The following SPAG6 variants were observed in gnomAD, a reference collection of about 807,000 sequenced individuals.
SPAG6 encodes sperm-associated antigen 6.
SPAG6 carries 49 observed loss-of-function variants against 58.5 expected under a neutral mutation model. The ratio of observed to expected loss-of-function variants is 0.84; its 90% CI spans 0.67 to 1.06. SPAG6 has a LOEUF of 1.06. SPAG6 is among the 50% of genes least tolerant of loss of function. The pLI is 0.00. For synonymous variants in SPAG6, 233 were observed against 225.6 expected (o/e 1.03, Z -0.29); for missense variants, 560 against 611.3 (o/e 0.92, Z 0.89).
chr10:22,381,667 A>G (rs757047239), intron 4 of SPAG6, among the ~76,000 whole-genome samples: 2 of 152,142 alleles, frequency 1.3e-5, no homozygotes, highest in Non-Finnish European at 2.9e-5. Flanking sequence ...TATTAAAGCA[A>G]GATTACTTTT....
chr10:22,360,771 G>T, intron 2 of SPAG6: 1 of 1,526,206 alleles, frequency 6.6e-7, no homozygotes, highest in South Asian at 1.2e-5. Flanking sequence ...TTGTTTATCA[G>T]ATATTGTGGC....
At chr10:22,347,790 T>C (rs1314596888) in intron 2 of SPAG6, among the ~76,000 whole-genome samples, 1 of 152,252 alleles carries the variant, frequency 6.6e-6, no homozygotes, top group Admixed American at 6.5e-5. Flanking sequence ...TATAACTTTA[T>C]GTTTTGAAAT....
chr10:22,380,507 C>T (rs7084083), intron 4 of SPAG6, among the ~76,000 whole-genome samples: 7,339 of 151,900 alleles, frequency 0.048, 612 homozygotes, highest in African/African-American at 0.17. Flanking sequence ...GGGTTTTGCC[C>T]TGTTGTCCAA....
At position 22,386,973 on chromosome 10, in the gene SPAG6, A is replaced by C. The variant is rs773692954; in HGVS notation, c.678+14A>C. On this transcript the variant is annotated intron_variant, in intron 5 of 10. Coordinates refer to ENST00000376624, the MANE Select transcript of SPAG6 (RefSeq NM_012443.4). Reference sequence around the variant, plus strand: ...GCTAAATTGAAGGTATTTCAAAATAAGGTTGAAAAATACATCAGCCTTCTT... The same window carrying C: ...GCTAAATTGAAGGTATTTCAAAATACGGTTGAAAAATACATCAGCCTTCTT... 1 of 1,599,240 alleles carries C rather than the reference A, an allele frequency of 6.3e-7. No individual in the cohort carries two copies. The highest frequency in any genetic ancestry group is 1.7e-5 in the Admixed American group (1 of 59,928).
At chr10:22,397,309 T>G (rs150650861) in intron 8 of SPAG6, among the ~76,000 whole-genome samples, 254 of 152,292 alleles carry the variant, frequency 1.7e-3, no homozygotes, top group African/African-American at 5.5e-3. Flanking sequence ...TGTATTTTCT[T>G]TTTTGAGACA....
chr10:22,396,881 G>T (rs1834305434), intron 8 of SPAG6, among the ~76,000 whole-genome samples: 1 of 152,112 alleles, frequency 6.6e-6, no homozygotes, highest in Non-Finnish European at 1.5e-5. Context: ...GATAGCCCAG[G>T]ATTCCTTCTC....
chr10:22,365,659 A>G (rs748858290), intron 3 of SPAG6, among the ~76,000 whole-genome samples: 2 of 152,166 alleles, frequency 1.3e-5, no homozygotes, highest in Admixed American at 6.6e-5. Flanking sequence ...CTGTTAGTTT[A>G]TCATAACCTA....
At position 22,368,648 on chromosome 10, in the gene SPAG6, G is replaced by T. The variant is rs566329573; in HGVS notation, c.442G>T (p.Ala148Ser). The part of the protein sequence containing the change: ...DPGVKEAAAW[A>S]LRYIARHNAE... ...TGGAGTCAAGGAGGCTGCAGCCTGG[G>T]CACTTAGATATATTGCAAGACATAA... is the stretch of plus-strand genomic sequence containing the variant. The change falls in exon 4 of 11, where the codon GCA becomes TCA. Residue 148 changes from alanine to serine, a missense_variant. Physicochemically the swap from Ala to Ser is moderately conservative, Grantham distance 99. Coordinates refer to ENST00000376624, the MANE Select transcript of SPAG6 (RefSeq NM_012443.4). 13 of 1,613,602 alleles carry T rather than the reference G, an allele frequency of 8.1e-6. No homozygotes were observed. The highest frequency in any genetic ancestry group is 6.7e-5 in the East Asian group (3 of 44,864).
In SPAG6 at chr10:22,411,050, A is replaced by G. The variant is rs1274189866; in HGVS notation, c.1334A>G (p.Lys445Arg). 1 of 1,613,916 alleles carries G rather than the reference A, an allele frequency of 6.2e-7. No individual in the cohort carries two copies. The highest frequency in any genetic ancestry group is 2.2e-5 in the East Asian group (1 of 44,890). ...QFSKVLPHDS[K>R]ARRLFVTSGG... ...TGCAAGGTGCTGCCGCATGATAGCA[A>G]AGCTCGACGACTTTTTGTAACAAGT... Residue 445 changes from lysine to arginine, a missense_variant, in exon 10 of 11, where the codon AAA becomes AGA. Transcript: ENST00000376624.
intron 4 of SPAG6, among the ~76,000 whole-genome samples, chr10:22,373,673 C>T (rs61086333): frequency 0.011 from 1,603 of 152,272 alleles, 27 homozygotes; most frequent in African/African-American, 0.036. Flanking sequence ...TCTTTACTGA[C>T]GCCTATAGAT....
intron 8 of SPAG6, among the ~76,000 whole-genome samples, chr10:22,399,685 T>C (rs7077927): frequency 0.16 from 23,719 of 152,236 alleles, 5,493 homozygotes; most frequent in African/African-American, 0.51. Flanking sequence ...CATTAGACTC[T>C]TTTCTACAGT....
intron 10 of SPAG6, among the ~76,000 whole-genome samples, chr10:22,416,265 C>A (rs1040947514): frequency 6.6e-6 from 1 of 151,884 alleles, no homozygotes; most frequent in Admixed American, 6.6e-5. Flanking sequence ...AAAAAAAAAT[C>A]TATTAGCTAG....
chr10:22,408,737 C>G (rs1049215876), intron 9 of SPAG6, among the ~76,000 whole-genome samples: 3 of 152,222 alleles, frequency 2.0e-5, no homozygotes, highest in African/African-American at 4.8e-5. Context: ...CCCCCAGCCT[C>G]GCTGCCGCCT....
chr10:22,407,359 C>T (rs1417424545), intron 9 of SPAG6, among the ~76,000 whole-genome samples: 5 of 151,476 alleles, frequency 3.3e-5, no homozygotes, highest in Admixed American at 6.6e-5. Flanking sequence ...TCAGCATTTG[C>T]TTGTCTGTAA....
chr10:22,413,481 C>G (rs1834793623), intron 10 of SPAG6, among the ~76,000 whole-genome samples: 1 of 151,412 alleles, frequency 6.6e-6, no homozygotes, highest in South Asian at 2.1e-4. Context: ...TGCAGTGAGC[C>G]GAGATTGTGC....
At chr10:22,399,174 A>G (rs1427220825) in intron 8 of SPAG6, among the ~76,000 whole-genome samples, 1 of 152,126 alleles carries the variant, frequency 6.6e-6, no homozygotes, top group Non-Finnish European at 1.5e-5. Context: ...CCATAAATTC[A>G]CTCATTTTAG....
Position 22,416,710 on chromosome 10 carries a change from C to G in SPAG6, c.*22C>G, listed in dbSNP as rs774640810. Reference sequence around the variant, plus strand: ...CTGAGCAAAGTTATATTGTGATACTCAAATTCACAGCAGAGTAGTTTTGAG... The same window carrying G: ...CTGAGCAAAGTTATATTGTGATACTGAAATTCACAGCAGAGTAGTTTTGAG... On this transcript the variant is annotated 3_prime_UTR_variant, in exon 11 of 11. Transcript: ENST00000376624. 5 of 1,449,216 alleles carry G rather than the reference C, an allele frequency of 3.5e-6. No homozygotes were observed. In the Admixed American group the frequency reaches 5.0e-5, roughly 15 times the overall value. The allele number at this position is 1,449,216 out of a possible 1,614,324, so 89.8% of individuals were successfully genotyped here. A position where few individuals can be genotyped will look rare whatever the true frequency, so the allele number is the denominator to read the frequency against.
At chr10:22,374,111 A>T (rs1349904666) in intron 4 of SPAG6, among the ~76,000 whole-genome samples, 2 of 151,878 alleles carry the variant, frequency 1.3e-5, no homozygotes, top group Non-Finnish European at 2.9e-5. Context: ...AAATCTTCTA[A>T]TTTTTTTTAA....
intron 9 of SPAG6, among the ~76,000 whole-genome samples, chr10:22,406,911 T>C (rs1408205750): frequency 6.6e-6 from 1 of 151,822 alleles, no homozygotes; most frequent in Non-Finnish European, 1.5e-5. Flanking sequence ...TTGTCTCTTT[T>C]GATCTTTGTT....
Sources: allele counts gnomAD v4.1 joint callset (sites outside exome capture counted in the v4.1 genomes callset), GRCh38; gene constraint gnomAD v4.1.1; transcripts MANE v1.5; gene names NCBI Gene and HGNC (gene_info 2026-07-23, HGNC 2026-07-21).